The following PPFIA2 variants were observed in gnomAD, a reference collection of about 807,000 sequenced individuals.
PPFIA2 encodes the protein liprin-alpha-2.
In PPFIA2, 46 loss-of-function variants were observed where a neutral mutation model predicts 175.5. The observed-to-expected ratio is 0.26, with a 90% CI of 0.21 to 0.34. PPFIA2 has a LOEUF of 0.34. PPFIA2 is among the 10% of genes least tolerant of loss of function. PPFIA2 has a pLI of 1.00. For missense variants in PPFIA2, 1,179 were observed against 1,506.1 expected (o/e 0.78, Z 3.60); for synonymous variants, 568 against 511.4 (o/e 1.11, Z -1.49).
chr12:81,610,736 T>G (rs923693011), intron 4 of PPFIA2, among the ~76,000 whole-genome samples: 1 of 152,222 alleles, frequency 6.6e-6, no homozygotes, highest in African/African-American at 2.4e-5. Flanking sequence ...TTTCAGTCAT[T>G]TCAGACTGGC....
intron 4 of PPFIA2, among the ~76,000 whole-genome samples, chr12:81,632,998 C>T (rs1184616083): frequency 2.0e-5 from 3 of 152,054 alleles, no homozygotes; most frequent in African/African-American, 7.2e-5. Flanking sequence ...GTAATGATTA[C>T]TGTCGTTGAA....
intron 4 of PPFIA2, among the ~76,000 whole-genome samples, chr12:81,542,511 A>G (rs1329786150): frequency 1.3e-5 from 2 of 152,178 alleles, no homozygotes; most frequent in African/African-American, 4.8e-5. Flanking sequence ...GTTAGAATGC[A>G]CATATGTTTA....
chr12:81,265,291 C>CCAAA (rs1555194468), intron 30 of PPFIA2, among the ~76,000 whole-genome samples: 5 of 69,994 alleles, frequency 7.1e-5, no homozygotes, highest in Non-Finnish European at 9.8e-5. Flanking sequence ...GAAACTCTGT[C>CCAAA]AAAAAAAAAA....
At chr12:81,746,478 G>A (rs754214270) in intron 3 of PPFIA2, among the ~76,000 whole-genome samples, 4 of 143,582 alleles carry the variant, frequency 2.8e-5, no homozygotes, top group South Asian at 2.3e-4. Flanking sequence ...TATAGAAGTC[G>A]AAAAAATTGA....
intron 4 of PPFIA2, among the ~76,000 whole-genome samples, chr12:81,669,295 T>A (rs2070966929): frequency 6.6e-6 from 1 of 151,994 alleles, no homozygotes; most frequent in Admixed American, 6.6e-5. Flanking sequence ...ATTATTATAA[T>A]ACCCTCAATC....
intron 4 of PPFIA2, among the ~76,000 whole-genome samples, chr12:81,477,331 T>A (rs2146524557): frequency 6.6e-6 from 1 of 152,290 alleles, no homozygotes. Flanking sequence ...GGCTTTCACC[T>A]GGAAAGCCTT....
chr12:81,642,761 T>C (rs1388678504), intron 4 of PPFIA2, among the ~76,000 whole-genome samples: 1 of 5,982 alleles, frequency 1.7e-4, no homozygotes, highest in African/African-American at 6.9e-4. Context: ...TATACATACA[T>C]GTATATGTAT....
chr12:81,543,294 A>G (rs2066489074), intron 4 of PPFIA2, among the ~76,000 whole-genome samples: 1 of 152,114 alleles, frequency 6.6e-6, no homozygotes, highest in South Asian at 2.1e-4. Flanking sequence ...CAACATAGCA[A>G]TAAATAAACC....
chr12:81,354,355 T>C (rs1004886835), intron 16 of PPFIA2, among the ~76,000 whole-genome samples: 5 of 152,212 alleles, frequency 3.3e-5, no homozygotes, highest in African/African-American at 1.2e-4. Flanking sequence ...TAATATTTTA[T>C]ATCCTTTGTT....
At chr12:81,269,195 A>T (rs1458175518) in intron 28 of PPFIA2, among the ~76,000 whole-genome samples, 1 of 152,182 alleles carries the variant, frequency 6.6e-6, no homozygotes, top group Non-Finnish European at 1.5e-5. Flanking sequence ...TGCTATATAA[A>T]ATGAGTAAAA....
Position 81,754,120 on chromosome 12 carries a change from C to T in PPFIA2, c.102G>A (p.Leu34=). 6.2e-7 allele frequency: 1 copy of T among 1,613,792 alleles called. No individual in the cohort carries two copies. Among genetic ancestry groups the T allele is most frequent in the Non-Finnish European group, 8.5e-7 (1 of 1,179,822 alleles). The change falls in exon 3 of 33, where the codon CTG becomes CTA. Residue 34 remains leucine (L), a synonymous_variant. Transcript: ENST00000549396. Reference sequence around the variant, plus strand: ...CCCTTTCATCTAGCATATTCACCATCAGCTGCTCAAAATGGGAGTCTGAGT... The same window carrying T: ...CCCTTTCATCTAGCATATTCACCATTAGCTGCTCAAAATGGGAGTCTGAGT... The part of the protein sequence containing the change: ...GSDSDSHFEQ[L]MVNMLDERDR...
At chr12:81,276,291 G>A (rs1000705266) in intron 28 of PPFIA2, among the ~76,000 whole-genome samples, 8 of 152,160 alleles carry the variant, frequency 5.3e-5, no homozygotes, top group African/African-American at 1.9e-4. Flanking sequence ...GGAGGGTGGC[G>A]AAAGATGAGA....
chr12:81,361,767 G>C (rs545958983), intron 15 of PPFIA2, among the ~76,000 whole-genome samples: 2 of 151,652 alleles, frequency 1.3e-5, no homozygotes, highest in East Asian at 3.9e-4. Flanking sequence ...CTCTGGTGGA[G>C]TTAACTTTCT....
chr12:81,643,922 TA>T, intron 4 of PPFIA2, among the ~76,000 whole-genome samples: 1 of 152,026 alleles, frequency 6.6e-6, no homozygotes, highest in African/African-American at 2.4e-5. Flanking sequence ...AGCTTCCCAT[TA>T]AAAGAGGAAT....
intron 3 of PPFIA2, among the ~76,000 whole-genome samples, chr12:81,711,362 A>T (rs1028847874): frequency 6.6e-6 from 1 of 151,442 alleles, no homozygotes; most frequent in Admixed American, 6.7e-5. Flanking sequence ...ATAGAAACAC[A>T]CACATCCACC....
At chr12:81,624,617 T>G (rs577924190) in intron 4 of PPFIA2, among the ~76,000 whole-genome samples, 36 of 146,332 alleles carry the variant, frequency 2.5e-4, no homozygotes, top group African/African-American at 8.4e-4. Flanking sequence ...AATATATAAT[T>G]ATATATATAA....
At chr12:81,314,664 C>T (rs1170464568) in intron 22 of PPFIA2, among the ~76,000 whole-genome samples, 1 of 151,830 alleles carries the variant, frequency 6.6e-6, no homozygotes, top group Non-Finnish European at 1.5e-5. Flanking sequence ...ATTGAATGAA[C>T]CTTCTTCTGT....
chr12:81,505,860 G>C (rs1395002922), intron 4 of PPFIA2: 1 of 152,276 alleles, frequency 6.6e-6, no homozygotes, highest in Non-Finnish European at 1.5e-5. Context: ...ATTGGATTAG[G>C]GATTTTCAGG....
intron 4 of PPFIA2, among the ~76,000 whole-genome samples, chr12:81,643,974 T>C (rs1358122565): frequency 6.6e-6 from 1 of 151,940 alleles, no homozygotes. Context: ...CAAACTGAGA[T>C]GAATTGATGT....
Sources: gnomAD v4.1 joint callset for allele counts (sites outside exome capture counted in the v4.1 genomes callset) on GRCh38, gnomAD v4.1.1 for gene constraint, MANE v1.5 for transcripts, NCBI Gene and HGNC (gene_info 2026-07-23, HGNC 2026-07-21) for gene names.